ETV6: variants seen among roughly 807,000 people sequenced by gnomAD.
The protein encoded by ETV6 is transcription factor ETV6.
In ETV6, 16 loss-of-function variants were observed where a neutral mutation model predicts 51.1. The observed-to-expected ratio is 0.31, with a 90% CI of 0.21 to 0.48. ETV6 has a LOEUF of 0.48. ETV6 is among the 20% of genes least tolerant of loss of function. The pLI is 0.99. For missense variants in ETV6, 458 were observed against 594.8 expected (o/e 0.77, Z 2.39); for synonymous variants, 240 against 224.1 (o/e 1.07, Z -0.64).
intron 2 of ETV6, among the ~76,000 whole-genome samples, chr12:11,811,611 G>A (rs796986137): frequency 5.3e-5 from 8 of 152,310 alleles, no homozygotes; most frequent in African/African-American, 1.9e-4. Flanking sequence ...AGTGATGATG[G>A]TGGTGGTGAG....
intron 4 of ETV6, among the ~76,000 whole-genome samples, chr12:11,862,294 G>A (rs182374360): frequency 1.5e-3 from 235 of 152,298 alleles, no homozygotes; most frequent in Non-Finnish European, 2.4e-3. Flanking sequence ...ACATTGTGGG[G>A]ATGAATAGGC....
chr12:11,690,565 A>G (rs1413954218), intron 1 of ETV6, among the ~76,000 whole-genome samples: 1 of 152,000 alleles, frequency 6.6e-6, no homozygotes, highest in Non-Finnish European at 1.5e-5. Context: ...CACCCTAGCC[A>G]GGACAACGGA....
intron 1 of ETV6, among the ~76,000 whole-genome samples, chr12:11,660,682 T>G (rs1864085842): frequency 6.6e-6 from 1 of 151,694 alleles, no homozygotes; most frequent in Non-Finnish European, 1.5e-5. Flanking sequence ...GAACTCAGAC[T>G]AGGGAAGGAA....
At chr12:11,825,915 G>A (rs1213913032) in intron 2 of ETV6, among the ~76,000 whole-genome samples, 1 of 147,366 alleles carries the variant, frequency 6.8e-6, no homozygotes, top group Non-Finnish European at 1.5e-5. Flanking sequence ...ATAGCTCACT[G>A]CAGCCACTCC....
intron 1 of ETV6, among the ~76,000 whole-genome samples, chr12:11,742,803 TTC>T (rs1555122218): frequency 0.05 from 1,867 of 37,102 alleles, 18 homozygotes; most frequent in East Asian, 0.066. Flanking sequence ...TTTTCTTTCT[TTC>T]TTTTTTTTTT....
chr12:11,824,435 A>C (rs948716999), intron 2 of ETV6, among the ~76,000 whole-genome samples: 2 of 152,226 alleles, frequency 1.3e-5, no homozygotes, highest in African/African-American at 4.8e-5. Context: ...GCTGATGGCC[A>C]GCTTTCAGGA....
chr12:11,668,509 G>GAACA (rs1864240401), intron 1 of ETV6, among the ~76,000 whole-genome samples: 1 of 152,076 alleles, frequency 6.6e-6, no homozygotes, highest in South Asian at 2.1e-4. Context: ...GGCTGTAGAG[G>GAACA]AACAGCCTTT....
Position 11,893,412 on chromosome 12 carries a change from T to A in ETV6, c.*2366T>A, listed in dbSNP as rs995252217. On this transcript the variant is annotated 3_prime_UTR_variant, in exon 8 of 8. Coordinates refer to ENST00000396373, the MANE Select transcript of ETV6 (RefSeq NM_001987.5). ...AATTCCCTTTTGCCCCAAGCATTTC[T>A]ATATTTAAAGCAATATCCCAGGAGA... 3.4e-5 allele frequency: 8 copies of A among 231,914 alleles called. No individual in the cohort carries two copies. Among genetic ancestry groups the A allele is most frequent in the Non-Finnish European group, 6.0e-5 (7 of 117,334 alleles). The allele number at this position is 231,914 out of a possible 1,614,324, so 14.4% of individuals were successfully genotyped here.
At chr12:11,680,621 T>G (rs1032676130) in intron 1 of ETV6, among the ~76,000 whole-genome samples, 3 of 152,226 alleles carry the variant, frequency 2.0e-5, no homozygotes, top group Non-Finnish European at 4.4e-5. Flanking sequence ...GCAAAGTGTT[T>G]GCTAAAATGA....
intron 1 of ETV6, among the ~76,000 whole-genome samples, chr12:11,719,099 G>A (rs1171549334): frequency 6.6e-6 from 1 of 152,206 alleles, no homozygotes; most frequent in East Asian, 1.9e-4. Context: ...TGTTGAAGCT[G>A]CCCAGGGACT....
intron 1 of ETV6, among the ~76,000 whole-genome samples, chr12:11,719,275 T>C (rs1865337484): frequency 6.6e-6 from 1 of 152,232 alleles, no homozygotes; most frequent in South Asian, 2.1e-4. Context: ...TTGATACTCT[T>C]TGGTGAAGGA....
At chr12:11,671,435 A>G (rs12820094) in intron 1 of ETV6, among the ~76,000 whole-genome samples, 6,053 of 152,294 alleles carry the variant, frequency 0.04, 139 homozygotes, top group Admixed American at 0.063. Context: ...TAGGGTGACT[A>G]TAGTTCATGT....
chr12:11,812,653 G>T (rs1050888339), intron 2 of ETV6, among the ~76,000 whole-genome samples: 4 of 152,080 alleles, frequency 2.6e-5, no homozygotes, highest in Non-Finnish European at 1.5e-5. Context: ...ACCGCCCTCA[G>T]TATTCTTTCA....
chr12:11,827,431 G>GC (rs796763799), intron 2 of ETV6, among the ~76,000 whole-genome samples: 24 of 152,278 alleles, frequency 1.6e-4, no homozygotes, highest in African/African-American at 5.8e-4. Context: ...GAAAAGCCAT[G>GC]CTTTGGAGGT....
intron 1 of ETV6, among the ~76,000 whole-genome samples, chr12:11,659,785 A>G (rs1321712178): frequency 6.6e-6 from 1 of 152,128 alleles, no homozygotes; most frequent in Non-Finnish European, 1.5e-5. Flanking sequence ...CCCTGGTGAA[A>G]GTGTGAATCT....
intron 2 of ETV6, among the ~76,000 whole-genome samples, chr12:11,763,718 C>T (rs1369087287): frequency 1.3e-5 from 2 of 152,224 alleles, no homozygotes; most frequent in Non-Finnish European, 2.9e-5. Flanking sequence ...ACGATTCCTG[C>T]CACCCCAGTG....
intron 2 of ETV6, among the ~76,000 whole-genome samples, chr12:11,780,397 T>C (rs1319598167): frequency 6.6e-6 from 1 of 152,216 alleles, no homozygotes; most frequent in African/African-American, 2.4e-5. Context: ...TGTAACACTT[T>C]AGAAGTATAC....
At position 11,765,460 on chromosome 12, in the gene ETV6, C is replaced by CT. The variant is rs1337369626; in HGVS notation, c.163+12893dup. ...TCTCTGTATTGTTTCCTTTTCACCA[C>CT]TTTTTTTTTTTTAATGAAGTGATTT... On this transcript the variant is annotated intron_variant, in intron 2 of 7. Transcript: ENST00000396373. Among the ~76,000 whole-genome samples, 335 of 144,646 alleles carry CT rather than the reference C, an allele frequency of 2.3e-3. 1 individual carries two copies. The highest frequency in any genetic ancestry group is 8.6e-3 in the East Asian group (43 of 5,026). 94.9% of individuals were successfully genotyped at this position (144,646 alleles called of 152,430 possible). A position where few individuals can be genotyped will look rare whatever the true frequency, so the allele number is the denominator to read the frequency against.
At chr12:11,770,602 A>G (rs1945228975) in intron 2 of ETV6, among the ~76,000 whole-genome samples, 3 of 152,084 alleles carry the variant, frequency 2.0e-5, no homozygotes, top group South Asian at 4.1e-4. Context: ...CCCTTCCTCT[A>G]CTTATCTTCC....
Sources: gnomAD v4.1 joint callset for allele counts (sites outside exome capture counted in the v4.1 genomes callset) on GRCh38, gnomAD v4.1.1 for gene constraint, MANE v1.5 for transcripts, NCBI Gene and HGNC (gene_info 2026-07-23, HGNC 2026-07-21) for gene names.